TRPC7: variants seen among roughly 807,000 people sequenced by gnomAD.
The protein encoded by TRPC7 is short transient receptor potential channel 7.
Under a neutral mutation model 90.1 loss-of-function variants are expected in TRPC7, and 42 were observed. The observed-to-expected ratio is 0.47, with a 90% CI of 0.36 to 0.60. The LOEUF is 0.60. TRPC7 is among the 20% of genes least tolerant of loss of function. The probability of loss-of-function intolerance (pLI) is 0.00; values close to 1 mark genes in which losing one functional copy is unlikely to be tolerated. For synonymous variants in TRPC7, 451 were observed against 436.3 expected, an observed-to-expected ratio of 1.03 and a Z score of -0.42; for missense variants, 955 against 1,112.3, an observed-to-expected ratio of 0.86 and a Z score of 2.01.
chr5:136,277,275 G>A (rs547922846), intron 3 of TRPC7, among the ~76,000 whole-genome samples: 167 of 152,308 alleles, frequency 1.1e-3, no homozygotes, highest in South Asian at 3.9e-3. Flanking sequence ...GGGTCTCTTG[G>A]GGCTCTGTCT....
At chr5:136,301,666 T>C (rs1244534270) in intron 3 of TRPC7, among the ~76,000 whole-genome samples, 1 of 152,132 alleles carries the variant, frequency 6.6e-6, no homozygotes, top group Non-Finnish European at 1.5e-5. Context: ...CCGCAAAACA[T>C]TGCTCTTAAC....
intron 3 of TRPC7, among the ~76,000 whole-genome samples, chr5:136,309,732 G>A (rs1010438410): frequency 2.8e-4 from 43 of 152,210 alleles, no homozygotes; most frequent in African/African-American, 9.7e-4. Context: ...CGGGATTCCT[G>A]AGGGAATTCA....
At chr5:136,317,618 T>C (rs995500274) in intron 2 of TRPC7, among the ~76,000 whole-genome samples, 8 of 152,222 alleles carry the variant, frequency 5.3e-5, no homozygotes, top group African/African-American at 1.9e-4. Context: ...CTCAGGTTCC[T>C]TAAATTTCTG....
At chr5:136,326,786 AG>A (rs1759360410) in intron 2 of TRPC7, among the ~76,000 whole-genome samples, 2 of 152,150 alleles carry the variant, frequency 1.3e-5, no homozygotes, top group Admixed American at 6.5e-5. Flanking sequence ...AAGTCAAGAG[AG>A]GGGCAGAGGA....
chr5:136,334,684 C>G (rs1393226355), intron 2 of TRPC7, among the ~76,000 whole-genome samples: 1 of 152,224 alleles, frequency 6.6e-6, no homozygotes, highest in Non-Finnish European at 1.5e-5. Flanking sequence ...ATTTTTAACA[C>G]TTATACTTTA....
intron 2 of TRPC7, among the ~76,000 whole-genome samples, chr5:136,341,565 C>T (rs540570605): frequency 1.1e-4 from 17 of 152,184 alleles, no homozygotes; most frequent in South Asian, 2.1e-4. Flanking sequence ...GGAATTGACA[C>T]TGGGGCAAAG....
chr5:136,344,965 T>C (rs1395933200), intron 2 of TRPC7, among the ~76,000 whole-genome samples: 2 of 152,184 alleles, frequency 1.3e-5, no homozygotes, highest in African/African-American at 4.8e-5. Flanking sequence ...GTAAGCTCCA[T>C]GAGGGCAGAG....
Position 136,285,351 on chromosome 5 carries a change from T to C in TRPC7, c.964-10514A>G, listed in dbSNP as rs149286399. ...ACAAAGAGCAGAATGACATCCTCCA[T>C]TTAAATTGCAGCATCAGACAGTCTC... On this transcript the variant is annotated intron_variant, in intron 3 of 11. Coordinates refer to ENST00000513104, the MANE Select transcript of TRPC7 (RefSeq NM_020389.3). Among the ~76,000 whole-genome samples the C allele has an allele frequency of 2.7e-3, 409 of 152,298 alleles. 2 individuals are homozygous for C. The highest frequency in any genetic ancestry group is 6.1e-3 in the African/African-American group (253 of 41,568).
At chr5:136,335,626 A>G (rs184958390) in intron 2 of TRPC7, among the ~76,000 whole-genome samples, 13 of 152,096 alleles carry the variant, frequency 8.5e-5, no homozygotes, top group African/African-American at 2.9e-4. Context: ...ACGAGAGGCC[A>G]GGCGCGGTGG....
chr5:136,274,415 T>A (rs1223629902), intron 4 of TRPC7, among the ~76,000 whole-genome samples: 1 of 152,156 alleles, frequency 6.6e-6, no homozygotes, highest in East Asian at 1.9e-4. Context: ...TCAATTCTGT[T>A]ACTGATCTTT....
At chr5:136,323,203 A>G (rs908475519) in intron 2 of TRPC7, among the ~76,000 whole-genome samples, 2 of 152,342 alleles carry the variant, frequency 1.3e-5, no homozygotes, top group South Asian at 2.1e-4. Context: ...GTCTGCTGCC[A>G]CGTGAGACGT....
chr5:136,289,774 T>G (rs554825539), intron 3 of TRPC7, among the ~76,000 whole-genome samples: 53 of 152,348 alleles, frequency 3.5e-4, no homozygotes, highest in African/African-American at 1.2e-3. Flanking sequence ...TGTCCCTGTC[T>G]GACAGCTTTG....
At chr5:136,327,357 A>T (rs558496572) in intron 2 of TRPC7, among the ~76,000 whole-genome samples, 4 of 152,290 alleles carry the variant, frequency 2.6e-5, no homozygotes, top group African/African-American at 9.6e-5. Flanking sequence ...AGCAAGGGGG[A>T]TGCCCACCCC....
intron 3 of TRPC7, among the ~76,000 whole-genome samples, chr5:136,287,221 T>C (rs1757749473): frequency 1.3e-5 from 2 of 152,060 alleles, no homozygotes; most frequent in Admixed American, 6.5e-5. Context: ...CTTCCACCTC[T>C]TTAGGAGGTG....
intron 2 of TRPC7, 43 bp downstream of exon 2, chr5:136,356,565 C>G: frequency 6.7e-7 from 1 of 1,494,334 alleles, no homozygotes. Flanking sequence ...GTGGAAGAGC[C>G]CCCTGGGCAA....
chr5:136,316,473 G>T (rs575644416), intron 2 of TRPC7, among the ~76,000 whole-genome samples: 1 of 152,296 alleles, frequency 6.6e-6, no homozygotes, highest in South Asian at 2.1e-4. Context: ...AAATCCTTTT[G>T]TATGGCAAAT....
At chr5:136,242,622 C>T (rs1756207557) in intron 7 of TRPC7, among the ~76,000 whole-genome samples, 1 of 152,194 alleles carries the variant, frequency 6.6e-6, no homozygotes, top group Non-Finnish European at 1.5e-5. Flanking sequence ...TAACAAGCTC[C>T]TTGTTTTTGA....
At chr5:136,216,975 G>T (rs531376994) in intron 10 of TRPC7, among the ~76,000 whole-genome samples, 30 of 152,340 alleles carry the variant, frequency 2.0e-4, no homozygotes, top group African/African-American at 7.2e-4. Context: ...AGCAGGCGAG[G>T]CATGAATAAA....
chr5:136,268,299 G>A (rs1795097506), intron 4 of TRPC7, among the ~76,000 whole-genome samples: 1 of 151,492 alleles, frequency 6.6e-6, no homozygotes, highest in Admixed American at 6.6e-5. Flanking sequence ...ATGGGAGATG[G>A]AGAATGACTG....
Sources: gnomAD v4.1 joint callset for allele counts (sites outside exome capture counted in the v4.1 genomes callset) on GRCh38, gnomAD v4.1.1 for gene constraint, MANE v1.5 for transcripts, NCBI Gene and HGNC (gene_info 2026-07-23, HGNC 2026-07-21) for gene names.